MUC12: variants seen among roughly 807,000 people sequenced by gnomAD.
The protein encoded by MUC12 is mucin-12.
Under a neutral mutation model 230.8 loss-of-function variants are expected in MUC12, and 172 were observed. The ratio of observed to expected loss-of-function variants is 0.75; its 90% confidence interval spans 0.66 to 0.85. The LOEUF is 0.85. Among genes scored for constraint, MUC12 ranks in the 40% least tolerant of loss-of-function variants. The probability of loss-of-function intolerance (pLI) is 0.00; values close to 1 mark genes in which losing one functional copy is unlikely to be tolerated. For missense variants in MUC12, 3,506 were observed against 5,920.6 expected, an observed-to-expected ratio of 0.59 and a Z score of 13.38; for synonymous variants, 1,259 against 2,401.9, an observed-to-expected ratio of 0.52 and a Z score of 13.91.
Position 101,008,546 on chromosome 7 carries a change from A to C in MUC12, c.15059-88A>C, listed in dbSNP as rs531504534. On this transcript the variant is annotated intron_variant, in intron 3 of 11. Transcript: ENST00000536621. ...TTCCTCTTAAGTTTCTTTCACCTTC[A>C]AGACACCCACAGGCAGAGAATGTAT... 2.1e-5 allele frequency: 31 copies of C among 1,446,632 alleles called. No homozygotes were observed. The African/African-American group carries it at 3.7e-4, about 17-fold the overall frequency. The allele number at this position is 1,446,632 out of a possible 1,614,324, so 89.6% of individuals were successfully genotyped here.
chr7:101,005,402 C>G lies in MUC12; in HGVS notation c.14839C>G (p.Leu4947Val). 6.5e-7 allele frequency: 1 copy of G among 1,537,938 alleles called. No homozygotes were observed. The highest frequency in any genetic ancestry group is 8.7e-7 in the Non-Finnish European group (1 of 1,147,062). Residue 4947 changes from leucine to valine, a missense_variant, in exon 2 of 12, where the codon CTC (leucine) becomes GTC (valine). Coordinates refer to ENST00000536621, the MANE Select transcript of MUC12 (RefSeq NM_001164462.2). ...CAGCCCATCCCCTACTTACACAACA[C>G]TCTTTCCTGCGAGTTCCAGCACATC... ...YISPSPTYTT[L>V]FPASSSTSGL...
intron 5 of MUC12, among the ~76,000 whole-genome samples, chr7:101,009,479 G>C (rs1393337127): frequency 1.3e-5 from 2 of 152,156 alleles, no homozygotes; most frequent in African/African-American, 4.8e-5. Flanking sequence ...GGCACACAGG[G>C]TGCCCTGGGA....
chr7:101,013,694 T>C (rs1793874003), intron 8 of MUC12, among the ~76,000 whole-genome samples: 1 of 152,176 alleles, frequency 6.6e-6, no homozygotes, highest in Admixed American at 6.5e-5. Flanking sequence ...CCTTGAGCCC[T>C]AGTCATTTGA....
At chr7:100,970,346 G>A (rs2116246700) in intron 1 of MUC12, among the ~76,000 whole-genome samples, 1 of 152,030 alleles carries the variant, frequency 6.6e-6, no homozygotes, top group East Asian at 2.0e-4. Flanking sequence ...AATTAACCAG[G>A]CATGGTGGCG....
intron 10 of MUC12, among the ~76,000 whole-genome samples, chr7:101,016,121 C>A (rs1252822029): frequency 1.3e-5 from 2 of 151,942 alleles, no homozygotes; most frequent in African/African-American, 4.8e-5. Flanking sequence ...AGCAGGGAGG[C>A]CTTATCCCAG....
chr7:100,988,525 C>T (rs1052691668), intron 1 of MUC12, among the ~76,000 whole-genome samples: 5 of 152,018 alleles, frequency 3.3e-5, no homozygotes, highest in Non-Finnish European at 5.9e-5. Flanking sequence ...CCCAGGCTTA[C>T]GTATTTCTTT....
At chr7:101,015,775 T>TG (rs940689709) in intron 10 of MUC12, 84 bp downstream of exon 10, 6 of 1,250,132 alleles carry the variant, frequency 4.8e-6, no homozygotes, top group Non-Finnish European at 6.7e-6. Flanking sequence ...GGGGGTGACG[T>TG]GGGGTCCAGC....
chr7:100,985,569 T>A (rs1452769472), intron 1 of MUC12, among the ~76,000 whole-genome samples: 2 of 152,326 alleles, frequency 1.3e-5, no homozygotes, highest in Non-Finnish European at 2.9e-5. Flanking sequence ...TTCAGCCTAC[T>A]CCCAAGAATG....
rs1184663673 is a variant in MUC12 at position 101,004,483 on chromosome 7, A to C, written c.13920A>C (p.Thr4640=). 1 of 1,531,222 alleles carries C rather than the reference A, an allele frequency of 6.5e-7. No individual in the cohort carries two copies. The highest frequency in any genetic ancestry group is 1.4e-5 in the African/African-American group (1 of 70,620). 94.9% of individuals were successfully genotyped at this position (1,531,222 alleles called of 1,614,324 possible). Reference sequence around the variant, plus strand: ...CTTCCCACAGCAGCACAACACACACAATATCTTCACCTCCTAGCACCACAT... The same window carrying C: ...CTTCCCACAGCAGCACAACACACACCATATCTTCACCTCCTAGCACCACAT... The part of the protein sequence containing the change: ...SRTSHSSTTH[T]ISSPPSTTSA... The change falls in exon 2 of 12, where the codon ACA becomes ACC. Residue 4640 remains threonine, a synonymous_variant. Transcript: ENST00000536621.
Position 101,012,864 on chromosome 7 carries a change from C to T in MUC12, c.15449C>T (p.Ser5150Leu), listed in dbSNP as rs769111053. ...YSEEDTFVDS[S>L]VTPGFDFQEQ... ...GAAGAGGACACTTTCGTGGATTCATCGGTGACTCCGGGCTTTGACTTCCAG... is the reference window on the plus strand; with the variant it reads ...GAAGAGGACACTTTCGTGGATTCATTGGTGACTCCGGGCTTTGACTTCCAG... The change falls in exon 7 of 12, where the codon TCG (serine) becomes TTG (leucine). Residue 5150 changes from serine (S) to leucine (L), a missense_variant. Coordinates refer to ENST00000536621, the MANE Select transcript of MUC12 (RefSeq NM_001164462.2). 5.9e-6 allele frequency: 9 copies of T among 1,537,146 alleles called. No individual in the cohort carries two copies. Among genetic ancestry groups the T allele is most frequent in the East Asian group, 4.9e-5 (2 of 40,922 alleles).
In MUC12 at chr7:101,006,471, G is replaced by C. The variant is rs952800685; in HGVS notation, c.14957G>C (p.Gly4986Ala). ...STESLETLAPGLCQEGQIWNG... is the reference protein window; with the variant it reads ...STESLETLAPALCQEGQIWNG... The stretch of plus-strand genomic sequence containing the variant: ...TGCTGTGGATTCTATCTCTCCACAG[G>C]GTTGTGCCAGGAAGGACAAATTTGG... The change falls in exon 3 of 12, where the codon GGG becomes GCG. Residue 4986 changes from glycine (G) to alanine (A), a missense_variant and splice_region_variant. Transcript: ENST00000536621. The C allele has an allele frequency of 6.5e-7, 1 of 1,536,492 alleles. No homozygotes were observed. The highest frequency in any genetic ancestry group is 1.2e-5 in the South Asian group (1 of 84,032).
chr7:100,988,220 C>T (rs1260173760), intron 1 of MUC12, among the ~76,000 whole-genome samples: 5 of 145,888 alleles, frequency 3.4e-5, no homozygotes, highest in Admixed American at 7.2e-5. Context: ...CACTTGAACC[C>T]AGGAGGCGGA....
At position 101,004,403 on chromosome 7, in the gene MUC12, A is replaced by C. The variant is rs779910020; in HGVS notation, c.13840A>C (p.Thr4614Pro). The change falls in exon 2 of 12, where the codon ACA becomes CCA. Residue 4614 changes from threonine (T) to proline (P), a missense_variant. Physicochemically the swap from Thr to Pro is conservative, Grantham distance 38. Transcript: ENST00000536621. ...CCACAGCAGCCCGGGCTCAACTCAA[A>C]CAATGCACTTCCCTGAAAGCTCCAC... ...AYHSSPGSTQ[T>P]MHFPESSTAS... The C allele has an allele frequency of 2.1e-5, 32 of 1,506,558 alleles. No homozygotes were observed. The African/African-American group carries it at 3.9e-4, about 18-fold the overall frequency. 93.3% of individuals were successfully genotyped at this position (1,506,558 alleles called of 1,614,324 possible).
At chr7:100,973,110 G>A (rs1386544431) in intron 1 of MUC12, 2 of 529,238 alleles carry the variant, frequency 3.8e-6, no homozygotes, top group Non-Finnish European at 6.6e-6. Flanking sequence ...AGGAACCTCT[G>A]TGGGCTGAGT....
chr7:101,007,830 C>T (rs953142431), intron 3 of MUC12, among the ~76,000 whole-genome samples: 2 of 152,228 alleles, frequency 1.3e-5, no homozygotes, highest in East Asian at 3.9e-4. Flanking sequence ...TGGAGTCTTG[C>T]TCTGTTGCCC....
At chr7:100,975,951 T>C (rs1793024016) in intron 1 of MUC12, among the ~76,000 whole-genome samples, 2 of 152,300 alleles carry the variant, frequency 1.3e-5, no homozygotes, top group South Asian at 2.1e-4. Context: ...CACACCACAG[T>C]TGGAGAAGTC....
intron 1 of MUC12, among the ~76,000 whole-genome samples, chr7:100,989,438 G>T (rs975790707): frequency 1.1e-4 from 16 of 151,920 alleles, no homozygotes; most frequent in African/African-American, 3.9e-4. Flanking sequence ...GTGTGAAAAT[G>T]GACAAGTATG....
At position 101,004,927 on chromosome 7, in the gene MUC12, A is replaced by T; in HGVS notation, c.14364A>T (p.Ser4788=). Residue 4788 remains serine, a synonymous_variant, in exon 2 of 12, where the codon TCA becomes TCT. Coordinates refer to ENST00000536621, the MANE Select transcript of MUC12 (RefSeq NM_001164462.2). ...CGTTCCCTGCCAGCACCACCACCTC[A>T]GGCCTCAGTCAGGAATCAACAACTT... ...TTAFPASTTT[S]GLSQESTTFH... 1 of 1,537,848 alleles carries T rather than the reference A, an allele frequency of 6.5e-7. No homozygotes were observed. Among genetic ancestry groups the T allele is most frequent in the East Asian group, 2.4e-5 (1 of 40,922 alleles).
chr7:100,991,181 A>T lies in MUC12; in HGVS notation c.618A>T (p.Thr206=). 3 of 1,537,418 alleles carry T rather than the reference A, an allele frequency of 2.0e-6. No individual in the cohort carries two copies. Among genetic ancestry groups the T allele is most frequent in the Middle Eastern group, 1.7e-4 (1 of 5,994 alleles). Residue 206 remains threonine, a synonymous_variant, in exon 2 of 12, where the codon ACA becomes ACT. Coordinates refer to ENST00000536621, the MANE Select transcript of MUC12 (RefSeq NM_001164462.2). The part of the protein sequence containing the change: ...SHSIPGSTDT[T]LSPGTTTPSS... ...GCATCCCCGGCTCCACAGACACAAC[A>T]CTGTCCCCTGGCACTACCACACCAT... is the stretch of plus-strand genomic sequence containing the variant.
Sources: allele counts gnomAD v4.1 joint callset (sites outside exome capture counted in the v4.1 genomes callset), GRCh38; gene constraint gnomAD v4.1.1; transcripts MANE v1.5; gene names NCBI Gene and HGNC (gene_info 2026-07-23, HGNC 2026-07-21).